CAMKMT: variants seen among roughly 807,000 people sequenced by gnomAD.
The protein encoded by CAMKMT is CaM KMT.
In CAMKMT, 53 loss-of-function variants were observed where a neutral mutation model predicts 48.0. That is an observed-to-expected ratio of 1.10 (90% CI 0.89 to 1.39). The LOEUF (loss-of-function observed/expected upper bound fraction) is 1.39. CAMKMT is among the 40% of genes most tolerant of loss of function. CAMKMT has a pLI of 0.00. For synonymous variants in CAMKMT, 165 were observed against 152.3 expected (o/e 1.08, Z -0.61); for missense variants, 428 against 402.7 (o/e 1.06, Z -0.54).
At chr2:44,709,934 A>T (rs1156458746) in intron 6 of CAMKMT, among the ~76,000 whole-genome samples, 1 of 152,172 alleles carries the variant, frequency 6.6e-6, no homozygotes, top group Non-Finnish European at 1.5e-5. Flanking sequence ...TACATCAGTG[A>T]AATGTAATTG....
chr2:44,595,444 A>G lies in CAMKMT; in HGVS notation c.377-108839A>G, dbSNP rs569526608. Among the ~76,000 whole-genome samples, 3 of 152,324 alleles carry G rather than the reference A, an allele frequency of 2.0e-5. No individual in the cohort carries two copies. The East Asian group carries it at 5.8e-4, about 29-fold the overall frequency. ...AATAAAATACCTAGGAATACAACTT[A>G]TAAGGACCTCTTCAAGGAGAGCTAC... On this transcript the variant is annotated intron_variant, in intron 3 of 10. Coordinates refer to ENST00000378494, the MANE Select transcript of CAMKMT (RefSeq NM_024766.5).
chr2:44,604,186 A>C (rs1671154519), intron 3 of CAMKMT, among the ~76,000 whole-genome samples: 1 of 152,214 alleles, frequency 6.6e-6, no homozygotes, highest in Non-Finnish European at 1.5e-5. Context: ...ATTTAGAATT[A>C]GATCAAGGAA....
chr2:44,560,209 C>T (rs74467198), intron 3 of CAMKMT, among the ~76,000 whole-genome samples: 4,140 of 152,208 alleles, frequency 0.027, 184 homozygotes, highest in African/African-American at 0.094. Context: ...TTAGTCTTGT[C>T]CATAAGAATC....
chr2:44,762,086 A>G (rs1251220591), intron 9 of CAMKMT, among the ~76,000 whole-genome samples: 1 of 152,236 alleles, frequency 6.6e-6, no homozygotes, highest in Non-Finnish European at 1.5e-5. Context: ...CCTGAGGACC[A>G]CTGACAATTA....
At chr2:44,452,217 G>C (rs1243756168) in intron 3 of CAMKMT, among the ~76,000 whole-genome samples, 1 of 151,886 alleles carries the variant, frequency 6.6e-6, no homozygotes, top group Non-Finnish European at 1.5e-5. Context: ...AGAGTTTTAG[G>C]AATAAAATGT....
At chr2:44,389,738 G>A (rs115014338) in intron 2 of CAMKMT, among the ~76,000 whole-genome samples, 1,895 of 152,234 alleles carry the variant, frequency 0.012, 43 homozygotes, top group African/African-American at 0.044. Flanking sequence ...AGATTAGTGG[G>A]CAAAAGATAC....
chr2:44,682,154 A>G (rs1676054793), intron 3 of CAMKMT, among the ~76,000 whole-genome samples: 1 of 152,220 alleles, frequency 6.6e-6, no homozygotes. Context: ...TCTAACTGTA[A>G]TGTATTTGAA....
chr2:44,485,450 A>G (rs1669168060), intron 3 of CAMKMT, among the ~76,000 whole-genome samples: 1 of 152,248 alleles, frequency 6.6e-6, no homozygotes, highest in Admixed American at 6.5e-5. Flanking sequence ...ACTCAAAATA[A>G]TACATACAGT....
chr2:44,749,726 C>A (rs1289337424), intron 8 of CAMKMT, among the ~76,000 whole-genome samples: 1 of 152,202 alleles, frequency 6.6e-6, no homozygotes, highest in East Asian at 1.9e-4. Flanking sequence ...AAAGCCAGAG[C>A]TCTTTAAAAC....
intron 3 of CAMKMT, among the ~76,000 whole-genome samples, chr2:44,468,069 A>G (rs1400038832): frequency 6.6e-6 from 1 of 152,210 alleles, no homozygotes; most frequent in Non-Finnish European, 1.5e-5. Context: ...TGAAAAGACA[A>G]CTGGAAGAAT....
intron 8 of CAMKMT, among the ~76,000 whole-genome samples, chr2:44,753,292 T>G (rs489972): frequency 3.0e-5 from 4 of 134,124 alleles, no homozygotes; most frequent in African/African-American, 1.1e-4. Context: ...CTGGGCATGG[T>G]GGTGCACAAC....
intron 3 of CAMKMT, among the ~76,000 whole-genome samples, chr2:44,578,709 A>G (rs910172535): frequency 2.0e-5 from 3 of 152,096 alleles, no homozygotes; most frequent in African/African-American, 7.2e-5. Flanking sequence ...GAATGAGGAG[A>G]TATCTTAGGG....
At chr2:44,507,416 A>G (rs1670317341) in intron 3 of CAMKMT, among the ~76,000 whole-genome samples, 1 of 152,078 alleles carries the variant, frequency 6.6e-6, no homozygotes, top group African/African-American at 2.4e-5. Flanking sequence ...AACACATCAC[A>G]TTTTCTCCTT....
At chr2:44,764,661 C>T (rs950397354) in intron 9 of CAMKMT, among the ~76,000 whole-genome samples, 1 of 152,164 alleles carries the variant, frequency 6.6e-6, no homozygotes, top group African/African-American at 2.4e-5. Flanking sequence ...GTCCTTTCTG[C>T]CACAGTTCCT....
intron 4 of CAMKMT, chr2:44,705,481 T>C (rs943737617): frequency 1.8e-5 from 18 of 985,230 alleles, no homozygotes; most frequent in Non-Finnish European, 1.8e-5. Context: ...CAGCGAGCAG[T>C]GGGCCAGGGC....
intron 3 of CAMKMT, among the ~76,000 whole-genome samples, chr2:44,621,759 G>T (rs1006710274): frequency 6.6e-6 from 1 of 152,162 alleles, no homozygotes; most frequent in African/African-American, 2.4e-5. Context: ...GCTATTGGGG[G>T]TTTTAACCAA....
At chr2:44,568,503 TG>T in intron 3 of CAMKMT, among the ~76,000 whole-genome samples, 1 of 152,128 alleles carries the variant, frequency 6.6e-6, no homozygotes, top group Non-Finnish European at 1.5e-5. Context: ...TGTGGTCCTG[TG>T]GAGAGCATTT....
intron 3 of CAMKMT, among the ~76,000 whole-genome samples, chr2:44,686,973 G>T (rs1020618298): frequency 4.6e-5 from 7 of 152,196 alleles, no homozygotes; most frequent in African/African-American, 1.7e-4. Flanking sequence ...TAAGCTTGCT[G>T]CATGGTGATC....
chr2:44,738,111 C>T (rs932281821), intron 7 of CAMKMT, among the ~76,000 whole-genome samples: 2 of 152,142 alleles, frequency 1.3e-5, no homozygotes, highest in African/African-American at 4.8e-5. Context: ...GCCTCAGCCT[C>T]CCAAAGTGCT....
Sources: allele counts gnomAD v4.1 joint callset (sites outside exome capture counted in the v4.1 genomes callset), GRCh38; gene constraint gnomAD v4.1.1; transcripts MANE v1.5; gene names NCBI Gene and HGNC (gene_info 2026-07-23, HGNC 2026-07-21).